BTN3A2: variants seen among roughly 807,000 people sequenced by gnomAD.
The protein encoded by BTN3A2 is butyrophilin protein.
BTN3A2 carries 25 observed loss-of-function variants against 37.6 expected under a neutral mutation model. The ratio of observed to expected loss-of-function variants is 0.66; its 90% CI spans 0.48 to 0.93. The LOEUF (loss-of-function observed/expected upper bound fraction) is 0.93, where lower values mean the gene tolerates loss of function less well. BTN3A2 is among the 40% of genes least tolerant of loss of function. BTN3A2 has a pLI of 0.00. For synonymous variants in BTN3A2, 122 were observed against 159.4 expected (o/e 0.77, Z 1.77); for missense variants, 266 against 410.9 (o/e 0.65, Z 3.05).
chr6:26,367,526 T>A (rs1460162251), intron 1 of BTN3A2, among the ~76,000 whole-genome samples: 3 of 152,238 alleles, frequency 2.0e-5, no homozygotes, highest in African/African-American at 7.2e-5. Context: ...TGTTCCTAAC[T>A]CTACCATAGT....
Position 26,376,856 on chromosome 6 carries a change from G to C in BTN3A2, c.*1094G>C. ...CACCGGAGAACGGATACTGGACTAT[G>C]GGCCTGACTGATGGGAATAAGTATC... On this transcript the variant is annotated 3_prime_UTR_variant, in exon 11 of 11. Transcript: ENST00000377708. 6.2e-7 allele frequency: 1 copy of C among 1,614,018 alleles called. No homozygotes were observed. The highest frequency in any genetic ancestry group is 8.5e-7 in the Non-Finnish European group (1 of 1,179,970).
At position 26,376,400 on chromosome 6, in the gene BTN3A2, T is replaced by C. The variant is rs12214031; in HGVS notation, c.*638T>C. 179,157 of 452,908 alleles carry C rather than the reference T, an allele frequency of 0.4. 36,553 individuals are homozygous for C. The highest frequency in any genetic ancestry group is 0.42 in the Non-Finnish European group (116,806 of 280,236). The allele number at this position is 452,908 out of a possible 1,614,324, so 28.1% of individuals were successfully genotyped here. On this transcript the variant is annotated 3_prime_UTR_variant, in exon 11 of 11. Coordinates refer to ENST00000377708, the MANE Select transcript of BTN3A2 (RefSeq NM_007047.5). Reference sequence around the variant, plus strand: ...TTACTTTCATTTCCCCTCTGGTCACTAGACCCCTGGGGCTTTCACCAATGA... The same window carrying C: ...TTACTTTCATTTCCCCTCTGGTCACCAGACCCCTGGGGCTTTCACCAATGA...
In BTN3A2 at chr6:26,376,259, T is replaced by C. The variant is rs1009287558; in HGVS notation, c.*497T>C. ...AAAGAAAAGAAAATTAACCTCTGAG[T>C]ATAAAGCATCAGTGGGCAGAATCAA... On this transcript the variant is annotated 3_prime_UTR_variant, in exon 11 of 11. Coordinates refer to ENST00000377708, the MANE Select transcript of BTN3A2 (RefSeq NM_007047.5). The C allele has an allele frequency of 2.9e-5, 5 of 169,726 alleles. No individual in the cohort carries two copies. The highest frequency in any genetic ancestry group is 1.3e-3 in the Middle Eastern group (1 of 754). 10.5% of individuals were successfully genotyped at this position (169,726 alleles called of 1,614,324 possible).
chr6:26,373,480 G>T, intron 8 of BTN3A2, 67 bp downstream of exon 8: 1 of 1,539,790 alleles, frequency 6.5e-7, no homozygotes, highest in Admixed American at 2.1e-5. Context: ...TTATTTTCCA[G>T]CCCATAAGTC....
chr6:26,368,229 T>G lies in BTN3A2; in HGVS notation c.47T>G (p.Val16Gly). The G allele has an allele frequency of 6.2e-7, 1 of 1,614,202 alleles. No individual in the cohort carries two copies. Among genetic ancestry groups the G allele is most frequent in the Non-Finnish European group, 8.5e-7 (1 of 1,180,040 alleles). ...SLAFLLLNFH[V>G]SLLLVQLLTP... ...GCTTTCCTTCTGCTCAACTTTCATG[T>G]CTCCCTCCTCTTGGTCCAGCTGCTC... Residue 16 changes from valine to glycine, a missense_variant, in exon 3 of 11, where the codon GTC becomes GGC. Val to Gly is a moderately radical substitution (Grantham distance 109). This residue lies in a region of BTN3A2 where 47 missense variants were observed against 77.3 expected (regional missense o/e 0.61). Transcript: ENST00000377708.
chr6:26,365,248 C>T lies in BTN3A2; in HGVS notation c.-171C>T. On this transcript the variant is annotated 5_prime_UTR_variant, in exon 1 of 11. Coordinates refer to ENST00000377708, the MANE Select transcript of BTN3A2 (RefSeq NM_007047.5). ...AAGACAATATTTGCTTTCTCTTTTTCCTTTCTTCCGGATGAGAGGCTAAGC... is the reference window on the plus strand; with the variant it reads ...AAGACAATATTTGCTTTCTCTTTTTTCTTTCTTCCGGATGAGAGGCTAAGC... 2 of 1,460,738 alleles carry T rather than the reference C, an allele frequency of 1.4e-6. No homozygotes were observed. The highest frequency in any genetic ancestry group is 2.5e-5 in the East Asian group (1 of 40,458). The allele number at this position is 1,460,738 out of a possible 1,614,324, so 90.5% of individuals were successfully genotyped here. A position where few individuals can be genotyped will look rare whatever the true frequency, so the allele number is the denominator to read the frequency against.
chr6:26,370,559 A>G lies in BTN3A2; in HGVS notation c.671A>G (p.Asn224Ser), dbSNP rs1344638975. The change falls in exon 5 of 11, where the codon AAT (asparagine) becomes AGT (serine). Residue 224 changes from asparagine to serine, a missense_variant. Transcript: ENST00000377708. ...GAGGGTGTATCCTGCATCATCAGAA[A>G]TTCCCTCCTCGGCCTGGAAAAGACA... ...SGEGVSCIIR[N>S]SLLGLEKTAS... 1.9e-6 allele frequency: 3 copies of G among 1,614,196 alleles called. No homozygotes were observed. The South Asian group carries it at 3.3e-5, about 18-fold the overall frequency.
intron 10 of BTN3A2, chr6:26,375,537 G>A (rs1230274142): frequency 6.7e-6 from 8 of 1,193,056 alleles, no homozygotes; most frequent in Non-Finnish European, 9.6e-6. Flanking sequence ...GCCAAACACA[G>A]CAGCAAACCA....
Position 26,376,326 on chromosome 6 carries a change from G to T in BTN3A2, c.*564G>T. ...ACAAAAATGTAGAAAGAGGATCCTT[G>T]TTGCTTCTTGGGGCCGCATCAGGGT... On this transcript the variant is annotated 3_prime_UTR_variant, in exon 11 of 11. Transcript: ENST00000377708. 1 of 218,808 alleles carries T rather than the reference G, an allele frequency of 4.6e-6. No homozygotes were observed. Among genetic ancestry groups the T allele is most frequent in the African/African-American group, 2.3e-5 (1 of 43,426 alleles). 13.6% of individuals were successfully genotyped at this position (218,808 alleles called of 1,614,324 possible). A position where few individuals can be genotyped will look rare whatever the true frequency, so the allele number is the denominator to read the frequency against.
intron 10 of BTN3A2, 36 bp from the exon 11 acceptor site, chr6:26,375,761 G>A (rs1760660481): frequency 6.5e-7 from 1 of 1,549,582 alleles, no homozygotes; most frequent in Admixed American, 2.0e-5. Flanking sequence ...GCCTTCTACA[G>A]CGCTAGAGAT....
Position 26,368,272 on chromosome 6 carries a change from G to A in BTN3A2, c.85+5G>A. On this transcript the variant is annotated splice_donor_5th_base_variant and intron_variant, in intron 3 of 10. Coordinates refer to ENST00000377708, the MANE Select transcript of BTN3A2 (RefSeq NM_007047.5). The stretch of plus-strand genomic sequence containing the variant: ...AGCTGCTCACTCCTTGCTCAGGTAG[G>A]GAATGATTCCATGATTCCACATTTA... The A allele has an allele frequency of 6.2e-7, 1 of 1,613,976 alleles. No individual in the cohort carries two copies. Among genetic ancestry groups the A allele is most frequent in the Non-Finnish European group, 8.5e-7 (1 of 1,179,922 alleles).
chr6:26,376,819 G>A lies in BTN3A2; in HGVS notation c.*1057G>A. The A allele has an allele frequency of 1.9e-6, 3 of 1,613,924 alleles. No individual in the cohort carries two copies. Among genetic ancestry groups the A allele is most frequent in the Non-Finnish European group, 2.5e-6 (3 of 1,179,906 alleles). Reference sequence around the variant, plus strand: ...AAGAACGTGGAGAGGAAAAAAGTTTGGGTCAAAATGACACCGGAGAACGGA... The same window carrying A: ...AAGAACGTGGAGAGGAAAAAAGTTTAGGTCAAAATGACACCGGAGAACGGA... On this transcript the variant is annotated 3_prime_UTR_variant, in exon 11 of 11. Transcript: ENST00000377708.
chr6:26,365,481 T>TGTGTGC, intron 1 of BTN3A2, 129 bp downstream of exon 1: 5 of 489,472 alleles, frequency 1.0e-5, no homozygotes, highest in Non-Finnish European at 1.7e-5. Context: ...TGCCTGTGTG[T>TGTGTGC]GTGTGTGTGT....
chr6:26,365,253 C>T lies in BTN3A2; in HGVS notation c.-166C>T, dbSNP rs561487747. The T allele has an allele frequency of 4.7e-6, 7 of 1,475,266 alleles. No individual in the cohort carries two copies. Among genetic ancestry groups the T allele is most frequent in the South Asian group, 3.6e-5 (3 of 82,230 alleles). The allele number at this position is 1,475,266 out of a possible 1,614,324, so 91.4% of individuals were successfully genotyped here. ...AATATTTGCTTTCTCTTTTTCCTTT[C>T]TTCCGGATGAGAGGCTAAGCCATAA... is the stretch of plus-strand genomic sequence containing the variant. On this transcript the variant is annotated 5_prime_UTR_variant, in exon 1 of 11. Coordinates refer to ENST00000377708, the MANE Select transcript of BTN3A2 (RefSeq NM_007047.5).
At position 26,375,326 on chromosome 6, in the gene BTN3A2, C is replaced by A. The variant is rs1162448724; in HGVS notation, c.*35-471C>A. The A allele has an allele frequency of 6.4e-5, 22 of 341,916 alleles. No individual in the cohort carries two copies. In the East Asian group the frequency reaches 1.2e-3, roughly 19 times the overall value. 21.2% of individuals were successfully genotyped at this position (341,916 alleles called of 1,614,324 possible). The stretch of plus-strand genomic sequence containing the variant: ...CCCAACAGTGGGGAGCTGTCTCCAC[C>A]CCTAGCCTGGGAGGGCTAAAAAGGG... On this transcript the variant is annotated intron_variant, in intron 10 of 10. Coordinates refer to ENST00000377708, the MANE Select transcript of BTN3A2 (RefSeq NM_007047.5).
chr6:26,371,198 G>A (rs72841517), intron 5 of BTN3A2, among the ~76,000 whole-genome samples: 4,954 of 152,224 alleles, frequency 0.033, 84 homozygotes, highest in South Asian at 0.044. Flanking sequence ...GGAGGCAGAC[G>A]TTGCAGTGAG....
At chr6:26,366,999 A>C (rs1386292228) in intron 1 of BTN3A2, among the ~76,000 whole-genome samples, 1 of 152,204 alleles carries the variant, frequency 6.6e-6, no homozygotes, top group Non-Finnish European at 1.5e-5. Context: ...GCGTCCTTTC[A>C]CTCACTTAAC....
chr6:26,370,692 T>C (rs55827419), intron 5 of BTN3A2, 89 bp downstream of exon 5: 198,485 of 1,572,622 alleles, frequency 0.13, 13,475 homozygotes, highest in African/African-American at 0.21. Context: ...TCGACCTGGG[T>C]CTCTGCACTG....
chr6:26,371,976 G>T (rs1256174968), intron 5 of BTN3A2, among the ~76,000 whole-genome samples: 1 of 152,180 alleles, frequency 6.6e-6, no homozygotes, highest in Non-Finnish European at 1.5e-5. Context: ...ACTGCAACCG[G>T]CCTGTAAAAG....
Sources: gnomAD v4.1 joint callset for allele counts (sites outside exome capture counted in the v4.1 genomes callset) on GRCh38, gnomAD v4.1.1 for gene constraint, gnomAD v4.1.1 regional missense constraint, MANE v1.5 for transcripts, NCBI Gene and HGNC (gene_info 2026-07-23, HGNC 2026-07-21) for gene names.